Variants in ZFP64 observed in about 807,000 individuals in gnomAD.
ZFP64 encodes the protein ZFP64 zinc finger protein.
ZFP64 carries 14 observed loss-of-function variants against 51.6 expected under a neutral mutation model. The ratio of observed to expected loss-of-function variants is 0.27; its 90% CI spans 0.18 to 0.42. The LOEUF (loss-of-function observed/expected upper bound fraction) is 0.42. Among genes scored for constraint, ZFP64 ranks in the 10% least tolerant of loss-of-function variants. The probability of loss-of-function intolerance (pLI) is 1.00; values close to 1 mark genes in which losing one functional copy is unlikely to be tolerated. For missense variants in ZFP64, 754 were observed against 906.8 expected (o/e 0.83, Z 2.16); for synonymous variants, 375 against 361.4 (o/e 1.04, Z -0.43).
chr20:52,110,340 C>CTT (rs765061350), intron 5 of ZFP64: 1 of 507,512 alleles, frequency 2.0e-6, no homozygotes, highest in Non-Finnish European at 3.5e-6. Context: ...CATAGAGAGC[C>CTT]TTTTTACAAC....
chr20:52,142,299 C>T (rs372799646), intron 5 of ZFP64, among the ~76,000 whole-genome samples: 13 of 151,212 alleles, frequency 8.6e-5, no homozygotes, highest in East Asian at 5.9e-4. Context: ...ACTCGGGCGG[C>T]GGAGGTTGCA....
At chr20:52,127,091 A>G (rs1979482349) in intron 5 of ZFP64, among the ~76,000 whole-genome samples, 1 of 152,016 alleles carries the variant, frequency 6.6e-6, no homozygotes, top group Admixed American at 6.6e-5. Flanking sequence ...AGCTGGGACT[A>G]CAGGCGTGCG....
In ZFP64 at chr20:52,169,968, G is replaced by A. The variant is rs141626776; in HGVS notation, c.287-3943C>T. Among the ~76,000 whole-genome samples, 665 of 151,864 alleles carry A rather than the reference G, an allele frequency of 4.4e-3. 8 individuals are homozygous for A. Among genetic ancestry groups the A allele is most frequent in the African/African-American group, 0.015 (637 of 41,386 alleles). ...CTTGGGAGGCTGAGGCAGGAGAATC[G>A]CTTGAACCTGGGAGGCAGAGGTTAC... On this transcript the variant is annotated intron_variant, in intron 2 of 5. Coordinates refer to ENST00000216923, the MANE Select transcript of ZFP64 (RefSeq NM_018197.3).
chr20:52,122,808 C>A (rs1979258325), intron 5 of ZFP64, among the ~76,000 whole-genome samples: 1 of 152,108 alleles, frequency 6.6e-6, no homozygotes, highest in Non-Finnish European at 1.5e-5. Flanking sequence ...TGAACTACTG[C>A]AATCTCATGA....
chr20:52,134,982 C>T (rs1400177608), intron 5 of ZFP64, among the ~76,000 whole-genome samples: 3 of 152,124 alleles, frequency 2.0e-5, no homozygotes, highest in Admixed American at 1.3e-4. Context: ...CCCACCTCAG[C>T]CTCCCAAGTA....
At chr20:52,125,857 C>T (rs1330937249) in intron 5 of ZFP64, among the ~76,000 whole-genome samples, 5 of 152,038 alleles carry the variant, frequency 3.3e-5, no homozygotes, top group African/African-American at 1.2e-4. Flanking sequence ...CTACTGTGTG[C>T]GAGGTACTTA....
At chr20:52,188,788 T>G (rs1479385914) in intron 1 of ZFP64, among the ~76,000 whole-genome samples, 1 of 151,922 alleles carries the variant, frequency 6.6e-6, no homozygotes, top group Admixed American at 6.6e-5. Context: ...CTGGCTAACA[T>G]GGTGAAACCC....
At chr20:52,182,596 G>A (rs1983690541) in intron 2 of ZFP64, among the ~76,000 whole-genome samples, 1 of 152,182 alleles carries the variant, frequency 6.6e-6, no homozygotes, top group Non-Finnish European at 1.5e-5. Flanking sequence ...GCGCAGGCCT[G>A]TAGTCCCAGC....
At chr20:52,089,266 C>T (rs774965309) in intron 7 of ZFP64, among the ~76,000 whole-genome samples, 23 of 152,064 alleles carry the variant, frequency 1.5e-4, no homozygotes, top group African/African-American at 2.9e-4. Flanking sequence ...CAGAAAGACA[C>T]GCCCAAGTCA....
chr20:52,191,550 C>G lies in ZFP64; in HGVS notation c.46+41G>C, dbSNP rs1235912916. ...TTGGGCCCGGGCCCCGGAGCGCGCA[C>G]TGGGCCCCGGAGCGCGCACTGCTCC... is the stretch of plus-strand genomic sequence containing the variant. On this transcript the variant is annotated intron_variant, in intron 1 of 5. Coordinates refer to ENST00000216923, the MANE Select transcript of ZFP64 (RefSeq NM_018197.3). The surrounding 1 kb of genome is among the most constrained non-coding windows in gnomAD (Gnocchi z 4.3). 1 of 1,528,876 alleles carries G rather than the reference C, an allele frequency of 6.5e-7. No individual in the cohort carries two copies. The highest frequency in any genetic ancestry group is 8.8e-7 in the Non-Finnish European group (1 of 1,142,306). 94.7% of individuals were successfully genotyped at this position (1,528,876 alleles called of 1,614,324 possible).
chr20:52,153,274 G>C lies in ZFP64; in HGVS notation c.918C>G (p.Ile306Met). 1 of 1,614,242 alleles carries C rather than the reference G, an allele frequency of 6.2e-7. No homozygotes were observed. The highest frequency in any genetic ancestry group is 1.1e-5 in the South Asian group (1 of 91,086). Residue 306 changes from isoleucine (I) to methionine (M), a missense_variant, in exon 6 of 6, where the codon ATC becomes ATG. Transcript: ENST00000216923. This position sits in a 1 kb window ranked among gnomAD's most constrained non-coding sequence, Gnocchi z 5.1. ...AGTTATTCCCGCTGTGCTTGATACGGATGTGCGACTTGAGGTTCCCCTTCA... is the reference window on the plus strand; with the variant it reads ...AGTTATTCCCGCTGTGCTTGATACGCATGTGCGACTTGAGGTTCCCCTTCA... ...CTMKGNLKSH[I>M]RIKHSGNNFK...
At chr20:52,092,587 C>T (rs956033367) in intron 7 of ZFP64, among the ~76,000 whole-genome samples, 1 of 152,218 alleles carries the variant, frequency 6.6e-6, no homozygotes, top group Non-Finnish European at 1.5e-5. Flanking sequence ...CAGTGGCTCA[C>T]ACCTGCAATC....
downstream of ZFP64, among the ~76,000 whole-genome samples, chr20:52,150,678 G>A (rs1980748087): frequency 6.6e-6 from 1 of 152,194 alleles, no homozygotes; most frequent in Non-Finnish European, 1.5e-5. Context: ...AAAAGTGGTA[G>A]AAATGTATCT....
At chr20:52,129,196 C>T (rs1209184337) in intron 5 of ZFP64, among the ~76,000 whole-genome samples, 1 of 152,098 alleles carries the variant, frequency 6.6e-6, no homozygotes, top group Non-Finnish European at 1.5e-5. Context: ...GTTCTCCCGC[C>T]TCAGCTTCCC....
chr20:52,163,429 G>A (rs2123019601), intron 4 of ZFP64, among the ~76,000 whole-genome samples: 1 of 152,284 alleles, frequency 6.6e-6, no homozygotes, highest in African/African-American at 2.4e-5. Context: ...AATATGCTAT[G>A]GCTTGATGGA....
intron 5 of ZFP64, among the ~76,000 whole-genome samples, chr20:52,140,827 T>C (rs1980218679): frequency 6.6e-6 from 1 of 152,178 alleles, no homozygotes; most frequent in South Asian, 2.1e-4. Flanking sequence ...TCTAGGATGT[T>C]CATAGCTAGA....
At chr20:52,165,760 T>C in intron 3 of ZFP64, 104 bp downstream of exon 3, 2 of 1,483,088 alleles carry the variant, frequency 1.3e-6, no homozygotes, top group South Asian at 1.2e-5. Context: ...CCAGGTAGTT[T>C]GGAACACATC....
At chr20:52,182,164 C>A (rs1167270443) in intron 2 of ZFP64, among the ~76,000 whole-genome samples, 1 of 152,196 alleles carries the variant, frequency 6.6e-6, no homozygotes, top group Non-Finnish European at 1.5e-5. Flanking sequence ...CAGATGGGGA[C>A]TGTTTAGTGA....
intron 5 of ZFP64, among the ~76,000 whole-genome samples, chr20:52,126,942 G>A (rs1032270519): frequency 3.3e-5 from 5 of 150,744 alleles, no homozygotes. Context: ...AAGTGATATG[G>A]TTAGGCTTTG....
Sources: gnomAD v4.1 joint callset for allele counts (sites outside exome capture counted in the v4.1 genomes callset) on GRCh38, gnomAD v4.1.1 for gene constraint, Gnocchi (gnomAD v3.1) non-coding constraint, MANE v1.5 for transcripts, NCBI Gene and HGNC (gene_info 2026-07-23, HGNC 2026-07-21) for gene names.